The following ACTR3C variants were observed in gnomAD, a reference collection of about 807,000 sequenced individuals.
ACTR3C encodes the protein actin-related protein 3C.
ACTR3C carries 18 observed loss-of-function variants against 26.3 expected under a neutral mutation model. The ratio of observed to expected loss-of-function variants is 0.68; its 90% CI spans 0.47 to 1.01. ACTR3C has a LOEUF of 1.01. ACTR3C is among the 50% of genes least tolerant of loss of function. ACTR3C has a pLI of 0.00. For synonymous variants in ACTR3C, 55 were observed against 94.5 expected, an observed-to-expected ratio of 0.58 and a Z score of 2.42; for missense variants, 184 against 250.7, an observed-to-expected ratio of 0.73 and a Z score of 1.80.
At chr7:150,261,626 G>A (rs1021603378) in intron 6 of ACTR3C, among the ~76,000 whole-genome samples, 4 of 152,194 alleles carry the variant, frequency 2.6e-5, no homozygotes, top group Admixed American at 6.5e-5. Context: ...TGCTTGAACC[G>A]GGGAGGCAGA....
chr7:149,981,022 A>G, the ACTR3C span, among the ~76,000 whole-genome samples: 1 of 151,226 alleles, frequency 6.6e-6, no homozygotes, highest in Non-Finnish European at 1.5e-5. Flanking sequence ...TCAGCTCTGC[A>G]GGTGTAATTA....
intron 1 of ACTR3C, among the ~76,000 whole-genome samples, chr7:150,320,117 G>A (rs1254386470): frequency 1.3e-5 from 2 of 152,130 alleles, no homozygotes; most frequent in Non-Finnish European, 2.9e-5. Context: ...CCATGTAACA[G>A]TACTCTTACC....
At chr7:150,171,965 C>T in the ACTR3C span, among the ~76,000 whole-genome samples, 1 of 150,596 alleles carries the variant, frequency 6.6e-6, no homozygotes, top group African/African-American at 2.5e-5. Context: ...TCATGCGCCA[C>T]CACACCTAGC....
chr7:149,967,381 A>C, the ACTR3C span, among the ~76,000 whole-genome samples: 1 of 152,104 alleles, frequency 6.6e-6, no homozygotes, highest in African/African-American at 2.4e-5. Context: ...CATGTTGGCT[A>C]AGCTGGTCTC....
At chr7:149,956,975 C>T in the ACTR3C span, among the ~76,000 whole-genome samples, 4 of 152,092 alleles carry the variant, frequency 2.6e-5, no homozygotes, top group Non-Finnish European at 5.9e-5. Flanking sequence ...TTCTCCTTTC[C>T]CAAGGGCAAT....
chr7:150,177,975 C>A, the ACTR3C span, among the ~76,000 whole-genome samples: 3 of 150,850 alleles, frequency 2.0e-5, no homozygotes, highest in Admixed American at 2.0e-4. Context: ...GGGGACATTA[C>A]AAATTACGTT....
intron 6 of ACTR3C, among the ~76,000 whole-genome samples, chr7:150,253,921 T>C (rs568777210): frequency 1.7e-4 from 26 of 149,662 alleles, no homozygotes; most frequent in East Asian, 7.8e-4. Flanking sequence ...TTTTTTTTTT[T>C]CCCCCAGCAT....
the ACTR3C span, among the ~76,000 whole-genome samples, chr7:150,087,688 C>A: frequency 2.0e-5 from 3 of 152,290 alleles, no homozygotes; most frequent in East Asian, 5.8e-4. Context: ...TCCAGACCCA[C>A]CCTGACAAAG....
chr7:150,087,473 C>T, the ACTR3C span, among the ~76,000 whole-genome samples: 1 of 152,148 alleles, frequency 6.6e-6, no homozygotes, highest in Admixed American at 6.5e-5. Context: ...GGATTACATA[C>T]GCTACAGGAC....
the ACTR3C span, among the ~76,000 whole-genome samples, chr7:150,049,152 G>T: frequency 6.6e-6 from 1 of 151,984 alleles, no homozygotes; most frequent in Non-Finnish European, 1.5e-5. Context: ...CCCCTGTGTG[G>T]ACACCCGCAC....
At chr7:150,023,474 C>T in the ACTR3C span, among the ~76,000 whole-genome samples, 1 of 151,500 alleles carries the variant, frequency 6.6e-6, no homozygotes, top group Non-Finnish European at 1.5e-5. Flanking sequence ...GCTGGGATTA[C>T]AGGCACCCAT....
At chr7:150,180,552 G>T in the ACTR3C span, among the ~76,000 whole-genome samples, 89,668 of 135,850 alleles carry the variant, frequency 0.66, 30,298 homozygotes, top group East Asian at 0.87. Flanking sequence ...TCGCTCTGTC[G>T]CCCAGGCTGG....
At chr7:150,286,122 G>A (rs1835749221) in intron 5 of ACTR3C, among the ~76,000 whole-genome samples, 1 of 151,920 alleles carries the variant, frequency 6.6e-6, no homozygotes, top group Admixed American at 6.6e-5. Flanking sequence ...ATCATCTATC[G>A]CTCCTAAAAG....
At chr7:150,157,949 G>A in the ACTR3C span, among the ~76,000 whole-genome samples, 2 of 152,210 alleles carry the variant, frequency 1.3e-5, no homozygotes, top group South Asian at 4.1e-4. Flanking sequence ...CTAGAAAGCA[G>A]AGAATTAATA....
the ACTR3C span, among the ~76,000 whole-genome samples, chr7:149,999,036 C>T: frequency 6.6e-6 from 1 of 150,398 alleles, no homozygotes; most frequent in Non-Finnish European, 1.5e-5. Flanking sequence ...CTCCACAAGC[C>T]CCCAGGTGAC....
chr7:150,165,129 T>C, the ACTR3C span, among the ~76,000 whole-genome samples: 1 of 152,178 alleles, frequency 6.6e-6, no homozygotes, highest in Non-Finnish European at 1.5e-5. Flanking sequence ...ACCGAAACTT[T>C]CTGAGTTCCA....
At chr7:149,978,308 A>G in the ACTR3C span, among the ~76,000 whole-genome samples, 2 of 151,932 alleles carry the variant, frequency 1.3e-5, no homozygotes, top group African/African-American at 2.4e-5. Context: ...TGCAAACAAC[A>G]GTGTGCGTCC....
chr7:150,150,269 C>G, the ACTR3C span, among the ~76,000 whole-genome samples: 3 of 152,302 alleles, frequency 2.0e-5, no homozygotes, highest in East Asian at 5.8e-4. Context: ...TTATATTTCC[C>G]CATATGGGTA....
At chr7:150,059,000 T>C in the ACTR3C span, among the ~76,000 whole-genome samples, 2 of 152,158 alleles carry the variant, frequency 1.3e-5, no homozygotes, top group African/African-American at 4.8e-5. Context: ...CCTGAGAGCA[T>C]GCAGGTACTG....
Sources: allele counts gnomAD v4.1 joint callset (sites outside exome capture counted in the v4.1 genomes callset), GRCh38; gene constraint gnomAD v4.1.1; transcripts MANE v1.5; gene names NCBI Gene and HGNC (gene_info 2026-07-23, HGNC 2026-07-21).